H2BC26: variants seen among roughly 807,000 people sequenced by gnomAD.
H2BC26 encodes the protein histone H2B type 3-B.
the H2BC26 span, chr1:228,458,163 A>T: frequency 1.2e-6 from 2 of 1,612,372 alleles, no homozygotes; most frequent in East Asian, 2.2e-5. Context: ...TCCTGCGCCC[A>T]AGAAGGGTTC....
At chr1:228,458,205 G>T in the H2BC26 span, 1 of 1,614,122 alleles carries the variant, frequency 6.2e-7, no homozygotes, top group African/African-American at 1.3e-5. Flanking sequence ...ACAGAAGAAG[G>T]ACGGCAAGAA....
the H2BC26 span, chr1:228,458,316 A>C: frequency 9.9e-6 from 16 of 1,614,116 alleles, no homozygotes; most frequent in African/African-American, 1.3e-5. Context: ...CATGGGCATC[A>C]TGAACTCCTT....
the H2BC26 span, chr1:228,458,468 C>G: frequency 6.2e-7 from 1 of 1,614,024 alleles, no homozygotes; most frequent in Admixed American, 1.7e-5. Context: ...ACGCCGTGTC[C>G]GAGGGCACCA....
the H2BC26 span, chr1:228,458,365 C>T: frequency 6.2e-7 from 1 of 1,614,228 alleles, no homozygotes; most frequent in Non-Finnish European, 8.5e-7. Flanking sequence ...AGCGAGGCCT[C>T]CCGCCTGGCA....
At chr1:228,458,327 C>T in the H2BC26 span, 3 of 1,614,232 alleles carry the variant, frequency 1.9e-6, no homozygotes, top group Non-Finnish European at 2.5e-6. Context: ...TGAACTCCTT[C>T]GTCAATGACA....
At chr1:228,458,243 T>G in the H2BC26 span, 1 of 1,614,188 alleles carries the variant, frequency 6.2e-7, no homozygotes, top group Non-Finnish European at 8.5e-7. Flanking sequence ...AGGAGAGCTA[T>G]TCTATCTACG....
At chr1:228,458,179 AG>A in the H2BC26 span, 1 of 1,613,816 alleles carries the variant, frequency 6.2e-7, no homozygotes, top group South Asian at 1.1e-5. Context: ...GGTTCTAAAA[AG>A]GCTGTCACCA....
chr1:228,458,464 T>C, the H2BC26 span: 12 of 1,614,152 alleles, frequency 7.4e-6, no homozygotes, highest in Non-Finnish European at 1.0e-5. Context: ...AAGCACGCCG[T>C]GTCCGAGGGC....
the H2BC26 span, chr1:228,458,323 C>T: frequency 6.2e-7 from 1 of 1,614,244 alleles, no homozygotes; most frequent in Non-Finnish European, 8.5e-7. Context: ...ATCATGAACT[C>T]CTTCGTCAAT....
chr1:228,458,553 C>T, the H2BC26 span: 11 of 1,612,852 alleles, frequency 6.8e-6, no homozygotes, highest in Non-Finnish European at 9.3e-6. Context: ...TTTTCAGAGC[C>T]ACCCACACGA....
the H2BC26 span, chr1:228,458,150 G>GT: frequency 6.2e-7 from 1 of 1,609,000 alleles, no homozygotes; most frequent in Non-Finnish European, 8.5e-7. Flanking sequence ...CGTCCAAATC[G>GT]GCTCCTGCGC....
the H2BC26 span, chr1:228,458,253 G>C: frequency 6.2e-7 from 1 of 1,614,194 alleles, no homozygotes; most frequent in Non-Finnish European, 8.5e-7. Flanking sequence ...TTCTATCTAC[G>C]TGTACAAGGT....
At chr1:228,458,552 C>T in the H2BC26 span, 2 of 1,612,884 alleles carry the variant, frequency 1.2e-6, no homozygotes, top group African/African-American at 1.3e-5. Flanking sequence ...CTTTTCAGAG[C>T]CACCCACACG....
At chr1:228,458,419 C>T in the H2BC26 span, 1 of 1,614,214 alleles carries the variant, frequency 6.2e-7, no homozygotes, top group Admixed American at 1.7e-5. Context: ...GAAGTGCAGA[C>T]GGCCGTTCGC....
the H2BC26 span, chr1:228,458,242 A>G: frequency 6.2e-7 from 1 of 1,614,210 alleles, no homozygotes; most frequent in Non-Finnish European, 8.5e-7. Flanking sequence ...AAGGAGAGCT[A>G]TTCTATCTAC....
chr1:228,458,125 C>T, the H2BC26 span: 11 of 1,580,166 alleles, frequency 7.0e-6, no homozygotes, highest in South Asian at 1.2e-5. Flanking sequence ...AGAGACTCAG[C>T]CATCATGCCA....
At chr1:228,458,414 G>A in the H2BC26 span, 4 of 1,614,214 alleles carry the variant, frequency 2.5e-6, no homozygotes, top group Non-Finnish European at 3.4e-6. Context: ...CCCGCGAAGT[G>A]CAGACGGCCG....
chr1:228,458,550 A>C, the H2BC26 span: 1 of 1,613,506 alleles, frequency 6.2e-7, no homozygotes, highest in Non-Finnish European at 8.5e-7. Flanking sequence ...CTCTTTTCAG[A>C]GCCACCCACA....
the H2BC26 span, chr1:228,458,438 G>A: frequency 1.2e-6 from 2 of 1,614,150 alleles, no homozygotes; most frequent in South Asian, 2.2e-5. Context: ...GCCTGCTGCT[G>A]CCCGGCGAGC....
Sources: gnomAD v4.1 joint callset for allele counts on GRCh38, gnomAD v4.1.1 for gene constraint, MANE v1.5 for transcripts, NCBI Gene and HGNC (gene_info 2026-07-23, HGNC 2026-07-21) for gene names.